Variants in SNTG1 observed in about 807,000 individuals in gnomAD.
The protein encoded by SNTG1 is syntrophin gamma 1.
SNTG1 carries 39 observed loss-of-function variants against 74.7 expected under a neutral mutation model. The ratio of observed to expected loss-of-function variants is 0.52; its 90% CI spans 0.40 to 0.68. SNTG1 has a LOEUF of 0.68. SNTG1 is among the 30% of genes least tolerant of loss of function. The pLI is 0.00. For synonymous variants in SNTG1, 254 were observed against 217.1 expected, an observed-to-expected ratio of 1.17 and a Z score of -1.49; for missense variants, 685 against 609.5, an observed-to-expected ratio of 1.12 and a Z score of -1.30.
intron 1 of SNTG1, among the ~76,000 whole-genome samples, chr8:50,047,844 C>T (rs1249349143): frequency 6.6e-6 from 1 of 152,044 alleles, no homozygotes; most frequent in Non-Finnish European, 1.5e-5. Context: ...CTGTATTTTA[C>T]CAAGTTGCTA....
chr8:50,657,198 A>C (rs886425235), intron 14 of SNTG1, among the ~76,000 whole-genome samples, 173 bp downstream of exon 14: 13 of 152,192 alleles, frequency 8.5e-5, no homozygotes, highest in Admixed American at 3.3e-4. Context: ...GACATTAAAC[A>C]TTTGCTTTAA....
At chr8:50,281,712 C>T (rs1265537915) in intron 2 of SNTG1, among the ~76,000 whole-genome samples, 2 of 152,136 alleles carry the variant, frequency 1.3e-5, no homozygotes, top group African/African-American at 4.8e-5. Flanking sequence ...TAATTTTTCT[C>T]TCTACATTCA....
chr8:50,781,348 T>C (rs2095658836), intron 18 of SNTG1, among the ~76,000 whole-genome samples: 1 of 152,162 alleles, frequency 6.6e-6, no homozygotes, highest in Non-Finnish European at 1.5e-5. Context: ...TAAGTCTCTT[T>C]GTAGGTCACT....
At chr8:49,998,071 C>T (rs1257845025) in intron 1 of SNTG1, among the ~76,000 whole-genome samples, 1 of 152,168 alleles carries the variant, frequency 6.6e-6, no homozygotes, top group East Asian at 1.9e-4. Flanking sequence ...CAAACCCATA[C>T]AGCATGTTTC....
At chr8:50,782,162 T>C (rs2095661585) in intron 18 of SNTG1, among the ~76,000 whole-genome samples, 1 of 152,188 alleles carries the variant, frequency 6.6e-6, no homozygotes, top group Non-Finnish European at 1.5e-5. Context: ...TCAACTTTGG[T>C]GAATCTGACA....
chr8:50,035,456 T>C (rs1233066951), intron 1 of SNTG1, among the ~76,000 whole-genome samples: 1 of 152,178 alleles, frequency 6.6e-6, no homozygotes, highest in Non-Finnish European at 1.5e-5. Context: ...CATATCCTTA[T>C]TTTCTGGGTG....
At position 50,223,355 on chromosome 8, in the gene SNTG1, A is replaced by T. The variant is rs553931480; in HGVS notation, c.-28+50720A>T. 2.0e-5 allele frequency among the ~76,000 whole-genome samples: 3 copies of T among 152,284 alleles called. No individual in the cohort carries two copies. In the South Asian group the frequency reaches 6.2e-4, roughly 32 times the overall value. On this transcript the variant is annotated intron_variant, in intron 2 of 18. Transcript: ENST00000642720. ...ATGCTCATTTTATATGGCTAGTACA[A>T]CTGATCTCCTAATAGAAAAGGAATA...
chr8:50,129,967 T>A (rs1282721867), intron 1 of SNTG1, among the ~76,000 whole-genome samples: 1 of 152,050 alleles, frequency 6.6e-6, no homozygotes, highest in Non-Finnish European at 1.5e-5. Flanking sequence ...CAGAAATTCA[T>A]ATAAAGAGTT....
At chr8:50,169,193 A>G (rs1021208129) in intron 1 of SNTG1, among the ~76,000 whole-genome samples, 5 of 152,216 alleles carry the variant, frequency 3.3e-5, no homozygotes, top group African/African-American at 1.2e-4. Flanking sequence ...ATTTCAATGA[A>G]TAATTTCAGT....
At chr8:50,705,825 C>T (rs753886081) in intron 16 of SNTG1, among the ~76,000 whole-genome samples, 1 of 152,156 alleles carries the variant, frequency 6.6e-6, no homozygotes, top group Non-Finnish European at 1.5e-5. Flanking sequence ...AACAGCCTCC[C>T]AAAGTTGGTC....
chr8:50,247,584 T>C (rs1289379744), intron 2 of SNTG1, among the ~76,000 whole-genome samples: 1 of 152,188 alleles, frequency 6.6e-6, no homozygotes, highest in Non-Finnish European at 1.5e-5. Flanking sequence ...TAGTTTAATG[T>C]AACCTCAAAC....
intron 8 of SNTG1, among the ~76,000 whole-genome samples, chr8:50,481,599 A>G (rs1049971848): frequency 1.3e-5 from 2 of 152,226 alleles, no homozygotes; most frequent in African/African-American, 4.8e-5. Context: ...CTATGTTAAG[A>G]AAAGCACTGA....
intron 2 of SNTG1, among the ~76,000 whole-genome samples, chr8:50,294,931 A>G (rs1371765732): frequency 2.6e-5 from 4 of 152,164 alleles, no homozygotes; most frequent in Admixed American, 6.5e-5. Flanking sequence ...CCGGACAACG[A>G]GCACTAAAAA....
At chr8:50,625,682 T>C (rs2094951859) in intron 13 of SNTG1, among the ~76,000 whole-genome samples, 1 of 152,192 alleles carries the variant, frequency 6.6e-6, no homozygotes, top group South Asian at 2.1e-4. Context: ...TTAAATCCCA[T>C]CACTTTGTTT....
intron 15 of SNTG1, among the ~76,000 whole-genome samples, chr8:50,662,081 G>A (rs1031506499): frequency 2.6e-5 from 4 of 152,136 alleles, no homozygotes; most frequent in African/African-American, 9.7e-5. Flanking sequence ...TCAGATAGGT[G>A]GGGCAGGTGA....
At chr8:50,387,251 A>G (rs1029491511) in intron 2 of SNTG1, among the ~76,000 whole-genome samples, 1 of 152,118 alleles carries the variant, frequency 6.6e-6, no homozygotes, top group Non-Finnish European at 1.5e-5. Flanking sequence ...CAGTGGCAAT[A>G]GTTCCTATGG....
chr8:50,105,493 T>TG (rs1299390456), intron 1 of SNTG1, among the ~76,000 whole-genome samples: 4 of 151,754 alleles, frequency 2.6e-5, no homozygotes, highest in Non-Finnish European at 2.9e-5. Flanking sequence ...TGTTTTGTTT[T>TG]GTTTTTTTTG....
chr8:50,454,087 T>G (rs1210387607), intron 8 of SNTG1, among the ~76,000 whole-genome samples: 1 of 152,170 alleles, frequency 6.6e-6, no homozygotes, highest in Non-Finnish European at 1.5e-5. Flanking sequence ...TGATGTTAAT[T>G]AACACTGATG....
chr8:50,518,941 C>T (rs902131598), intron 9 of SNTG1, among the ~76,000 whole-genome samples: 5 of 152,144 alleles, frequency 3.3e-5, no homozygotes, highest in Non-Finnish European at 1.5e-5. Context: ...GGACTCCTCC[C>T]TAACTCATTT....
Sources: gnomAD v4.1 joint callset for allele counts (sites outside exome capture counted in the v4.1 genomes callset) on GRCh38, gnomAD v4.1.1 for gene constraint, MANE v1.5 for transcripts, NCBI Gene and HGNC (gene_info 2026-07-23, HGNC 2026-07-21) for gene names.